CDC14A: variants seen among roughly 807,000 people sequenced by gnomAD.
CDC14A encodes the protein dual specificity protein phosphatase CDC14A.
CDC14A carries 53 observed loss-of-function variants against 74.4 expected under a neutral mutation model. The ratio of observed to expected loss-of-function variants is 0.71; its 90% CI spans 0.57 to 0.89. The LOEUF is 0.89. Ranked by LOEUF, CDC14A falls within the 40% of genes least tolerant of loss-of-function variation. CDC14A has a pLI of 0.00. For synonymous variants in CDC14A, 247 were observed against 258.4 expected (o/e 0.96, Z 0.43); for missense variants, 646 against 713.7 (o/e 0.91, Z 1.08).
chr1:100,363,201 C>G (rs752762186), intron 2 of CDC14A: 2 of 152,232 alleles, frequency 1.3e-5, no homozygotes, highest in African/African-American at 2.4e-5. Context: ...GATGGAGCTG[C>G]CATTTTGAAC....
intron 5 of CDC14A, among the ~76,000 whole-genome samples, chr1:100,425,673 G>T (rs1055871000): frequency 2.6e-5 from 4 of 152,290 alleles, no homozygotes; most frequent in Admixed American, 2.6e-4. Flanking sequence ...AGAGTCTGAG[G>T]TAATCAGCCG....
At chr1:100,469,491 C>T (rs1668180068) in intron 10 of CDC14A, among the ~76,000 whole-genome samples, 1 of 152,128 alleles carries the variant, frequency 6.6e-6, no homozygotes. Flanking sequence ...TCATTGTCTT[C>T]CTCTATTTCT....
intron 15 of CDC14A, among the ~76,000 whole-genome samples, chr1:100,511,007 A>G (rs181525909): frequency 6.6e-6 from 1 of 152,338 alleles, no homozygotes; most frequent in African/African-American, 2.4e-5. Context: ...GTTTATCTGC[A>G]TCTGGACTCA....
intron 13 of CDC14A, 105 bp downstream of exon 13, chr1:100,496,154 G>A (rs1285164109): frequency 1.1e-6 from 1 of 878,878 alleles, no homozygotes; most frequent in Non-Finnish European, 1.8e-6. Context: ...ACAGCTTTTT[G>A]CTTTTTAAAT....
At chr1:100,349,787 T>C (rs1026204544), upstream of CDC14A, among the ~76,000 whole-genome samples, 2 of 151,460 alleles carry the variant, frequency 1.3e-5, no homozygotes, top group Non-Finnish European at 2.9e-5. Flanking sequence ...CTCGGCCTCA[T>C]GAGTAGCTGG....
chr1:100,485,541 C>T (rs533017162), intron 11 of CDC14A, among the ~76,000 whole-genome samples: 6 of 150,882 alleles, frequency 4.0e-5, no homozygotes, highest in Non-Finnish European at 7.4e-5. Context: ...CTATCCTGGG[C>T]GACAGAGCAA....
chr1:100,484,128 T>C (rs1669795503), intron 10 of CDC14A, among the ~76,000 whole-genome samples, 164 bp from the exon 11 acceptor site: 1 of 152,156 alleles, frequency 6.6e-6, no homozygotes, highest in Non-Finnish European at 1.5e-5. Context: ...GAAAGTGACT[T>C]CATTGTTCTT....
At chr1:100,459,130 G>C (rs57421427) in intron 8 of CDC14A, among the ~76,000 whole-genome samples, 18,467 of 119,346 alleles carry the variant, frequency 0.15, 1,295 homozygotes, top group African/African-American at 0.24. Context: ...CACACACAGA[G>C]AGAGAGAGAG....
At chr1:100,356,560 A>C (rs1651908123) in intron 2 of CDC14A, among the ~76,000 whole-genome samples, 1 of 152,142 alleles carries the variant, frequency 6.6e-6, no homozygotes, top group African/African-American at 2.4e-5. Flanking sequence ...GCCCACTTAA[A>C]AAAATTCAGG....
At chr1:100,432,804 A>G (rs964279922) in intron 5 of CDC14A, among the ~76,000 whole-genome samples, 2 of 152,200 alleles carry the variant, frequency 1.3e-5, no homozygotes, top group African/African-American at 2.4e-5. Flanking sequence ...GGATGGCATT[A>G]TATTTCCATT....
intron 10 of CDC14A, 88 bp from the exon 11 acceptor site, chr1:100,484,204 T>C (rs1669800276): frequency 1.5e-6 from 1 of 654,510 alleles, no homozygotes; most frequent in Non-Finnish European, 2.4e-6. Context: ...TCTTTTCCTT[T>C]ATAAGACATC....
chr1:100,421,419 T>G (rs1350873119), intron 4 of CDC14A, among the ~76,000 whole-genome samples: 2 of 152,226 alleles, frequency 1.3e-5, no homozygotes, highest in African/African-American at 4.8e-5. Flanking sequence ...CATTTGACAT[T>G]GCATAACTAA....
chr1:100,480,257 C>T (rs1363309923), intron 10 of CDC14A, among the ~76,000 whole-genome samples: 1 of 152,252 alleles, frequency 6.6e-6, no homozygotes, highest in East Asian at 1.9e-4. Flanking sequence ...CAATATTTGT[C>T]GTTTTGTGTC....
chr1:100,428,259 T>A (rs1663195102), intron 5 of CDC14A, among the ~76,000 whole-genome samples: 1 of 152,204 alleles, frequency 6.6e-6, no homozygotes. Flanking sequence ...TGTTGTGATG[T>A]CACTTGTGAG....
chr1:100,464,580 A>G (rs963967937), intron 9 of CDC14A, among the ~76,000 whole-genome samples: 9 of 152,166 alleles, frequency 5.9e-5, no homozygotes, highest in Admixed American at 2.0e-4. Flanking sequence ...TTCTCTTTCA[A>G]ACTTTAGTTT....
At chr1:100,498,563 T>C (rs1648218599) in intron 14 of CDC14A, among the ~76,000 whole-genome samples, 1 of 152,194 alleles carries the variant, frequency 6.6e-6, no homozygotes. Flanking sequence ...AGTCATGTGA[T>C]TGAATATGTA....
At chr1:100,491,548 C>CTATA (rs67056785) in intron 11 of CDC14A, among the ~76,000 whole-genome samples, 438 of 38,696 alleles carry the variant, frequency 0.011, 25 homozygotes, top group Non-Finnish European at 0.018. Flanking sequence ...CTCTCTCTCT[C>CTATA]TATATATATA....
At chr1:100,482,985 A>G (rs963316406) in intron 10 of CDC14A, among the ~76,000 whole-genome samples, 3 of 152,034 alleles carry the variant, frequency 2.0e-5, no homozygotes, top group Admixed American at 6.6e-5. Flanking sequence ...TCTCTATCCA[A>G]TCTATCATTG....
At chr1:100,401,201 C>T (rs139094007) in intron 4 of CDC14A, among the ~76,000 whole-genome samples, 17 of 152,294 alleles carry the variant, frequency 1.1e-4, no homozygotes, top group African/African-American at 4.1e-4. Context: ...TTTTTTTTAG[C>T]ACTTGAAATT....
Sources: gnomAD v4.1 joint callset for allele counts (sites outside exome capture counted in the v4.1 genomes callset) on GRCh38, gnomAD v4.1.1 for gene constraint, MANE v1.5 for transcripts, NCBI Gene and HGNC (gene_info 2026-07-23, HGNC 2026-07-21) for gene names.